The following FGF1 variants were observed in gnomAD, a reference collection of about 807,000 sequenced individuals.
FGF1 encodes beta-endothelial cell growth factor.
Under a neutral mutation model 13.4 loss-of-function variants are expected in FGF1, and 9 were observed. The observed-to-expected ratio is 0.67, with a 90% CI of 0.40 to 1.17. The LOEUF (loss-of-function observed/expected upper bound fraction) is 1.17, where lower values mean the gene tolerates loss of function less well. Among genes scored for constraint, FGF1 ranks in the 50% most tolerant of loss-of-function variants. The pLI, the probability that FGF1 is intolerant of heterozygous loss-of-function variation, is 0.01. For missense variants in FGF1, 156 were observed against 192.7 expected (o/e 0.81, Z 1.13); for synonymous variants, 93 against 79.0 (o/e 1.18, Z -0.94).
At chr5:142,630,670 A>G (rs1014569571) in intron 1 of FGF1, among the ~76,000 whole-genome samples, 3 of 151,788 alleles carry the variant, frequency 2.0e-5, no homozygotes, top group Non-Finnish European at 2.9e-5. Flanking sequence ...GCCCACTATG[A>G]TCTCCTCCAT....
upstream of FGF1, among the ~76,000 whole-genome samples, chr5:142,690,393 G>A (rs1280259668): frequency 6.6e-6 from 1 of 152,146 alleles, no homozygotes; most frequent in East Asian, 1.9e-4. Flanking sequence ...CGAACACTCT[G>A]TGCACATGAT....
chr5:142,662,014 AC>A (rs1769341967), intron 1 of FGF1, among the ~76,000 whole-genome samples: 1 of 152,070 alleles, frequency 6.6e-6, no homozygotes, highest in African/African-American at 2.4e-5. Flanking sequence ...AAAACAAAAA[AC>A]AAAAAACACA....
chr5:142,597,947 A>C (rs1755643993), intron 3 of FGF1, among the ~76,000 whole-genome samples: 1 of 152,252 alleles, frequency 6.6e-6, no homozygotes, highest in African/African-American at 2.4e-5. Context: ...ACTGTGTAAC[A>C]GGAAGTATCC....
intron 1 of FGF1, among the ~76,000 whole-genome samples, chr5:142,643,085 C>T (rs557646112): frequency 3.3e-5 from 5 of 152,274 alleles, no homozygotes; most frequent in South Asian, 2.1e-4. Context: ...CTATATCCAA[C>T]GCACCCCAGG....
chr5:142,595,193 G>T lies in FGF1; in HGVS notation c.*97C>A, dbSNP rs1030982352. Reference sequence around the variant, plus strand: ...CAAATTCAGGCTCTGTGGGCTGGGGGTTAGCGCAGCCAATGGTCAAGGGAA... The same window carrying T: ...CAAATTCAGGCTCTGTGGGCTGGGGTTTAGCGCAGCCAATGGTCAAGGGAA... On this transcript the variant is annotated 3_prime_UTR_variant, in exon 4 of 4. Transcript: ENST00000337706. 12 of 978,176 alleles carry T rather than the reference G, an allele frequency of 1.2e-5. No individual in the cohort carries two copies. The highest frequency in any genetic ancestry group is 1.2e-4 in the East Asian group (5 of 41,368). The allele number at this position is 978,176 out of a possible 1,614,324, so 60.6% of individuals were successfully genotyped here. A position where few individuals can be genotyped will look rare whatever the true frequency, so the allele number is the denominator to read the frequency against.
chr5:142,652,509 C>T (rs1048017126), intron 1 of FGF1, among the ~76,000 whole-genome samples: 3 of 152,202 alleles, frequency 2.0e-5, no homozygotes, highest in Non-Finnish European at 2.9e-5. Flanking sequence ...TTCAAGGCCC[C>T]TCACAAGGAC....
chr5:142,608,046 G>C (rs956724228), intron 2 of FGF1, among the ~76,000 whole-genome samples: 1 of 152,162 alleles, frequency 6.6e-6, no homozygotes, highest in Non-Finnish European at 1.5e-5. Context: ...AGGAAAAAGG[G>C]TTATGATCCT....
chr5:142,619,829 G>A (rs560582501), intron 1 of FGF1, among the ~76,000 whole-genome samples: 44 of 147,712 alleles, frequency 3.0e-4, no homozygotes, highest in African/African-American at 8.6e-4. Context: ...GCGAAACTCC[G>A]TCTCAAGAAA....
intron 1 of FGF1, among the ~76,000 whole-genome samples, chr5:142,654,145 G>A (rs1767749177): frequency 6.6e-6 from 1 of 152,182 alleles, no homozygotes; most frequent in African/African-American, 2.4e-5. Flanking sequence ...TACCATGCTG[G>A]ACTGACATGA....
At chr5:142,595,965 T>A (rs1755158030) in intron 3 of FGF1, among the ~76,000 whole-genome samples, 1 of 152,214 alleles carries the variant, frequency 6.6e-6, no homozygotes, top group African/African-American at 2.4e-5. Flanking sequence ...TTGTTTTAAC[T>A]TGAAGGCTAG....
At chr5:142,621,394 C>CCCTCCTTT (rs1436555807) in intron 1 of FGF1, 1 of 151,912 alleles carries the variant, frequency 6.6e-6, no homozygotes, top group Non-Finnish European at 1.5e-5. Context: ...CTCCCTCCTT[C>CCCTCCTTT]CCTCCTTTCC....
chr5:142,649,508 G>A (rs1178942261), intron 1 of FGF1, among the ~76,000 whole-genome samples: 1 of 151,892 alleles, frequency 6.6e-6, no homozygotes, highest in African/African-American at 2.4e-5. Context: ...CCGGGTTCAC[G>A]CCATTCTCCT....
At position 142,618,990 on chromosome 5, in the gene FGF1, A is replaced by T. The variant is rs569725757; in HGVS notation, c.-34-4829T>A. 3.0e-3 allele frequency among the ~76,000 whole-genome samples: 379 copies of T among 127,920 alleles called. 2 individuals carry two copies. Among genetic ancestry groups the T allele is most frequent in the African/African-American group, 0.011 (366 of 32,554 alleles). The allele number at this position is 127,920 out of a possible 152,430, so 83.9% of individuals were successfully genotyped here. ...CGCTCTTTAGCCCAGGCCGGATTGC[A>T]GTGGCACAATCTCGGCTCACTGCAA... On this transcript the variant is annotated intron_variant, in intron 1 of 3. Coordinates refer to ENST00000337706, the MANE Select transcript of FGF1 (RefSeq NM_000800.5).
intron 1 of FGF1, among the ~76,000 whole-genome samples, chr5:142,676,408 G>C (rs7722035): frequency 0.55 from 83,630 of 152,120 alleles, 24,751 homozygotes; most frequent in African/African-American, 0.78. Flanking sequence ...CTGGCATGTA[G>C]TATAGACTTT....
chr5:142,683,821 C>CAAAAAAAAAAAA (rs768317949), intron 1 of FGF1, among the ~76,000 whole-genome samples: 1 of 49,750 alleles, frequency 2.0e-5, no homozygotes, highest in African/African-American at 8.6e-5. Flanking sequence ...AACTCTGTCT[C>CAAAAAAAAAAAA]AAAAAAAAAA....
intron 2 of FGF1, among the ~76,000 whole-genome samples, chr5:142,602,362 A>C (rs553275676): frequency 6.6e-6 from 1 of 152,036 alleles, no homozygotes; most frequent in Non-Finnish European, 1.5e-5. Context: ...TTTTTAGTAG[A>C]GATGGGGTTT....
Position 142,629,755 on chromosome 5 carries a change from C to G in FGF1, c.-34-15594G>C, listed in dbSNP as rs142508669. Among the ~76,000 whole-genome samples the G allele has an allele frequency of 4.0e-5, 6 of 150,686 alleles. No homozygotes were observed. In the East Asian group the frequency reaches 1.2e-3, roughly 29 times the overall value. On this transcript the variant is annotated intron_variant, in intron 1 of 3. Coordinates refer to ENST00000337706, the MANE Select transcript of FGF1 (RefSeq NM_000800.5). ...ACATTATCACTGTTACTCATCCTGT[C>G]TTTATTATTATTATTTAATATTTTG...
chr5:142,689,694 GTTTTTT>G (rs5871823), upstream of FGF1, among the ~76,000 whole-genome samples: 1 of 115,508 alleles, frequency 8.7e-6, no homozygotes, highest in African/African-American at 3.4e-5. Context: ...CTCGATCCTA[GTTTTTT>G]TTTTTTTTTT....
chr5:142,628,566 A>C (rs1200479046), intron 1 of FGF1, among the ~76,000 whole-genome samples: 1 of 152,204 alleles, frequency 6.6e-6, no homozygotes, highest in Non-Finnish European at 1.5e-5. Flanking sequence ...TCATCCGTCA[A>C]ACATGGCCTC....
Sources: gnomAD v4.1 joint callset for allele counts (sites outside exome capture counted in the v4.1 genomes callset) on GRCh38, gnomAD v4.1.1 for gene constraint, MANE v1.5 for transcripts, NCBI Gene and HGNC (gene_info 2026-07-23, HGNC 2026-07-21) for gene names.